The following WWOX variants were observed in gnomAD, a reference collection of about 807,000 sequenced individuals.
WWOX encodes WW domain containing oxidoreductase, also known as WW domain-containing oxidoreductase.
Under a neutral mutation model 46.2 loss-of-function variants are expected in WWOX, and 69 were observed. That is an observed-to-expected ratio of 1.49 (90% CI 1.23 to 1.82). WWOX has a LOEUF of 1.82. Ranked by LOEUF, WWOX falls within the 40% of genes most tolerant of loss-of-function variation. The pLI, the probability that WWOX is intolerant of heterozygous loss-of-function variation, is 0.00. For missense variants in WWOX, 919 were observed against 542.6 expected, an observed-to-expected ratio of 1.69 and a Z score of -6.89; for synonymous variants, 359 against 202.6, an observed-to-expected ratio of 1.77 and a Z score of -6.56.
intron 4 of WWOX, among the ~76,000 whole-genome samples, chr16:78,148,931 A>G (rs2034303695): frequency 6.9e-6 from 1 of 144,696 alleles, no homozygotes; most frequent in Admixed American, 7.0e-5. Flanking sequence ...AAAAAGTGCC[A>G]TGTATATTTT....
chr16:78,114,221 C>T (rs1408163970), intron 3 of WWOX, among the ~76,000 whole-genome samples: 2 of 151,792 alleles, frequency 1.3e-5, no homozygotes, highest in African/African-American at 2.4e-5. Flanking sequence ...CTACCTCAGC[C>T]TCCCAAGTAG....
chr16:78,872,832 C>T (rs1002816708), intron 8 of WWOX: 3 of 152,340 alleles, frequency 2.0e-5, no homozygotes, highest in African/African-American at 7.2e-5. Flanking sequence ...GGGTCTCGCT[C>T]TCTTGCTCAG....
intron 8 of WWOX, among the ~76,000 whole-genome samples, chr16:79,011,514 C>T (rs1357053260): frequency 2.2e-5 from 3 of 137,216 alleles, no homozygotes; most frequent in South Asian, 2.3e-4. Flanking sequence ...TTTTTTGAGA[C>T]AGGGTCTTAA....
At chr16:78,998,226 G>A (rs184451655) in intron 8 of WWOX, among the ~76,000 whole-genome samples, 10 of 152,300 alleles carry the variant, frequency 6.6e-5, no homozygotes, top group South Asian at 2.1e-4. Context: ...AAATGGGGAC[G>A]TTTTTCTCTT....
chr16:78,904,600 C>T (rs2044913444), intron 8 of WWOX, among the ~76,000 whole-genome samples: 1 of 152,024 alleles, frequency 6.6e-6, no homozygotes. Flanking sequence ...CCCAGGTCAG[C>T]CTGCCTCCCA....
intron 5 of WWOX, among the ~76,000 whole-genome samples, chr16:78,279,966 G>A (rs4334311): frequency 0.72 from 110,229 of 152,180 alleles, 41,729 homozygotes; most frequent in East Asian, 1. Context: ...GGAAACCACA[G>A]ATGAATCAAA....
intron 8 of WWOX, among the ~76,000 whole-genome samples, chr16:78,822,155 T>C (rs1385353380): frequency 6.6e-6 from 1 of 151,988 alleles, no homozygotes; most frequent in Non-Finnish European, 1.5e-5. Flanking sequence ...GGATTACAGG[T>C]GTGAGCCACC....
intron 8 of WWOX, chr16:79,101,811 G>A (rs1399227963): frequency 1.3e-5 from 2 of 151,034 alleles, no homozygotes; most frequent in African/African-American, 2.4e-5. Context: ...TTTTTCTAGA[G>A]GTAGGAGGTA....
chr16:78,577,482 A>G (rs1342836072), intron 8 of WWOX, among the ~76,000 whole-genome samples: 1 of 152,196 alleles, frequency 6.6e-6, no homozygotes, highest in Non-Finnish European at 1.5e-5. Flanking sequence ...TGAATTCACC[A>G]GGAAGGAAGT....
intron 8 of WWOX, among the ~76,000 whole-genome samples, chr16:78,676,478 C>T (rs956859072): frequency 1.3e-5 from 2 of 151,926 alleles, no homozygotes; most frequent in East Asian, 1.9e-4. Flanking sequence ...CTCCCCACCC[C>T]CACCTTTGGT....
intron 8 of WWOX, among the ~76,000 whole-genome samples, chr16:78,815,002 G>T (rs1015343880): frequency 6.6e-6 from 1 of 152,138 alleles, no homozygotes; most frequent in Non-Finnish European, 1.5e-5. Flanking sequence ...CTCCCTGCAG[G>T]GTGTCACTTC....
chr16:78,889,911 A>G (rs1347040918), intron 8 of WWOX, among the ~76,000 whole-genome samples: 1 of 152,204 alleles, frequency 6.6e-6, no homozygotes, highest in Non-Finnish European at 1.5e-5. Flanking sequence ...CACTGTTTAT[A>G]AGTCACCCAA....
At chr16:78,263,095 G>C (rs2079279771) in intron 5 of WWOX, among the ~76,000 whole-genome samples, 1 of 152,148 alleles carries the variant, frequency 6.6e-6, no homozygotes, top group Non-Finnish European at 1.5e-5. Context: ...GCCAGAAGCT[G>C]GGGGAAACAT....
chr16:78,782,964 C>G lies in WWOX; in HGVS notation c.1056+350212C>G, dbSNP rs553613528. On this transcript the variant is annotated intron_variant, in intron 8 of 8. Coordinates refer to ENST00000566780, the MANE Select transcript of WWOX (RefSeq NM_016373.4). Reference sequence around the variant, plus strand: ...AGATTTCTCATACATCAGGCCATTTCTATGCCTGCCTGTGAACACAGGGAT... The same window carrying G: ...AGATTTCTCATACATCAGGCCATTTGTATGCCTGCCTGTGAACACAGGGAT... 3.3e-5 allele frequency among the ~76,000 whole-genome samples: 5 copies of G among 152,278 alleles called. No homozygotes were observed. In the South Asian group the frequency reaches 8.3e-4, roughly 25 times the overall value.
In WWOX at chr16:78,229,465, T is replaced by TCTC. The variant is rs1567442596; in HGVS notation, c.516+65177_516+65179dup. 7.7e-4 allele frequency among the ~76,000 whole-genome samples: 4 copies of TCTC among 5,200 alleles called. No individual in the cohort carries two copies. The Admixed American group carries it at 0.015, about 20-fold the overall frequency. 3.4% of individuals were successfully genotyped at this position (5,200 alleles called of 152,430 possible). ...AGACATTTAGATTTTTTCTGTTTTA[T>TCTC]CTCTCTCTATATGTATATCTGTATA... On this transcript the variant is annotated intron_variant, in intron 5 of 8. Coordinates refer to ENST00000566780, the MANE Select transcript of WWOX (RefSeq NM_016373.4).
intron 8 of WWOX, among the ~76,000 whole-genome samples, chr16:78,451,738 G>A (rs11860831): frequency 0.14 from 21,129 of 152,108 alleles, 1,871 homozygotes; most frequent in East Asian, 0.3. Context: ...AATGAATTTT[G>A]CTGACATCTT....
At chr16:78,482,270 C>G (rs1230298654) in intron 8 of WWOX, among the ~76,000 whole-genome samples, 2 of 152,148 alleles carry the variant, frequency 1.3e-5, no homozygotes, top group African/African-American at 2.4e-5. Context: ...GAGTCTTGCT[C>G]TTTTGGCCAG....
chr16:78,623,261 A>G (rs1462726533), intron 8 of WWOX, among the ~76,000 whole-genome samples: 1 of 152,206 alleles, frequency 6.6e-6, no homozygotes, highest in Non-Finnish European at 1.5e-5. Context: ...TGGCAACAGA[A>G]AATGTGTACA....
At chr16:78,549,643 G>C (rs910273940) in intron 8 of WWOX, among the ~76,000 whole-genome samples, 4 of 152,110 alleles carry the variant, frequency 2.6e-5, no homozygotes, top group Admixed American at 1.3e-4. Context: ...ATCTGCAAGC[G>C]AGCTAATGGA....
Sources: allele counts gnomAD v4.1 joint callset (sites outside exome capture counted in the v4.1 genomes callset), GRCh38; gene constraint gnomAD v4.1.1; transcripts MANE v1.5; gene names NCBI Gene and HGNC (gene_info 2026-07-23, HGNC 2026-07-21).